ENTPD3: variants seen among roughly 807,000 people sequenced by gnomAD.
ENTPD3 encodes the protein ectonucleoside triphosphate diphosphohydrolase 3.
ENTPD3 carries 60 observed loss-of-function variants against 51.2 expected under a neutral mutation model. That is an observed-to-expected ratio of 1.17 (90% CI 0.95 to 1.45). ENTPD3 has a LOEUF of 1.45. Ranked by LOEUF, ENTPD3 falls within the 40% of genes most tolerant of loss-of-function variation. ENTPD3 has a pLI of 0.00. For synonymous variants in ENTPD3, 221 were observed against 238.4 expected (o/e 0.93, Z 0.67); for missense variants, 593 against 641.1 (o/e 0.93, Z 0.81).
intron 2 of ENTPD3, among the ~76,000 whole-genome samples, chr3:40,389,821 C>A (rs1473915816): frequency 6.6e-6 from 1 of 152,182 alleles, no homozygotes; most frequent in Non-Finnish European, 1.5e-5. Context: ...TAGACATGCC[C>A]TGTTATTCTT....
Position 40,427,682 on chromosome 3 carries a change from G to A in ENTPD3, c.*174G>A, listed in dbSNP as rs1559521112. The A allele has an allele frequency of 8.2e-6, 5 of 610,836 alleles. No individual in the cohort carries two copies. In the East Asian group the frequency reaches 1.4e-4, roughly 17 times the overall value. The allele number at this position is 610,836 out of a possible 1,614,324, so 37.8% of individuals were successfully genotyped here. ...CACAGCACCTCTTGAGGCATCCCTT[G>A]GCTATTCTGTGCATATTGTTCTTCA... On this transcript the variant is annotated 3_prime_UTR_variant, in exon 11 of 11. Transcript: ENST00000301825.
chr3:40,392,219 A>G, intron 3 of ENTPD3, 69 bp downstream of exon 3: 1 of 1,570,682 alleles, frequency 6.4e-7, no homozygotes, highest in Middle Eastern at 1.7e-4. Context: ...ATTATTCCAA[A>G]ACCATGAGTT....
At chr3:40,410,962 T>G (rs1955613808) in intron 4 of ENTPD3, among the ~76,000 whole-genome samples, 1 of 151,906 alleles carries the variant, frequency 6.6e-6, no homozygotes, top group African/African-American at 2.4e-5. Flanking sequence ...ATGGAGGCAA[T>G]GGGAACCATG....
intron 3 of ENTPD3, chr3:40,394,237 C>G (rs1351701799): frequency 6.7e-5 from 15 of 224,880 alleles, no homozygotes; most frequent in Non-Finnish European, 1.2e-4. Flanking sequence ...GCCTCAGCCT[C>G]CCAAGTAGCT....
Position 40,427,328 on chromosome 3 carries a change from G to C in ENTPD3, c.1410G>C (p.Gln470His), listed in dbSNP as rs1395946311. 3.1e-6 allele frequency: 5 copies of C among 1,614,196 alleles called. No homozygotes were observed. Among genetic ancestry groups the C allele is most frequent in the Non-Finnish European group, 4.2e-6 (5 of 1,180,038 alleles). Residue 470 changes from glutamine to histidine, a missense_variant, in exon 11 of 11, where the codon CAG becomes CAC. Transcript: ENST00000301825. Reference protein sequence around the residue: ...SLGYMLSLTNQIPAESPLIRL... With the variant: ...SLGYMLSLTNHIPAESPLIRL... ...GCTACATGCTCAGCCTGACCAACCA[G>C]ATCCCAGCTGAAAGCCCTCTGATCC...
chr3:40,389,879 T>C (rs1955015600), intron 2 of ENTPD3, among the ~76,000 whole-genome samples: 1 of 152,202 alleles, frequency 6.6e-6, no homozygotes, highest in Non-Finnish European at 1.5e-5. Context: ...GCATAGGTTA[T>C]AATGATCTAG....
At chr3:40,388,159 C>T (rs1559505422) in intron 2 of ENTPD3, 62 bp downstream of exon 2, 2 of 1,491,404 alleles carry the variant, frequency 1.3e-6, no homozygotes, top group South Asian at 1.1e-5. Flanking sequence ...ACCCCAGCTT[C>T]GGCCTACAGT....
At chr3:40,423,716 A>G (rs1330215070) in intron 9 of ENTPD3, 110 bp from the exon 10 acceptor site, 1 of 1,245,708 alleles carries the variant, frequency 8.0e-7, no homozygotes, top group South Asian at 1.5e-5. Flanking sequence ...AGTATTTTCT[A>G]TTATGAAATT....
At chr3:40,388,599 C>CACAG (rs1954993721) in intron 2 of ENTPD3, among the ~76,000 whole-genome samples, 1 of 148,194 alleles carries the variant, frequency 6.7e-6, no homozygotes, top group Non-Finnish European at 1.5e-5. Context: ...CACACACACA[C>CACAG]ACACACACAC....
chr3:40,393,066 C>T (rs1325316335), intron 3 of ENTPD3, among the ~76,000 whole-genome samples: 1 of 151,898 alleles, frequency 6.6e-6, no homozygotes, highest in African/African-American at 2.4e-5. Flanking sequence ...AGTCCATCCC[C>T]AAATGATCTT....
intron 3 of ENTPD3, among the ~76,000 whole-genome samples, chr3:40,400,346 G>T (rs1355022211): frequency 6.6e-6 from 1 of 151,664 alleles, no homozygotes; most frequent in Admixed American, 6.6e-5. Flanking sequence ...CTTTTATTTT[G>T]GTTGTTTATT....
At chr3:40,419,090 ATTTTC>A (rs1392085958) in intron 7 of ENTPD3, among the ~76,000 whole-genome samples, 1 of 152,054 alleles carries the variant, frequency 6.6e-6, no homozygotes, top group Non-Finnish European at 1.5e-5. Context: ...ATATTAACTT[ATTTTC>A]TTTACTATTT....
intron 6 of ENTPD3, 69 bp downstream of exon 6, chr3:40,414,909 G>T: frequency 6.6e-7 from 1 of 1,518,952 alleles, no homozygotes. Context: ...GATAGCCTAA[G>T]TAGAGGTACA....
chr3:40,414,636 G>A (rs1955702766), intron 5 of ENTPD3, 45 bp from the exon 6 acceptor site: 1 of 1,606,158 alleles, frequency 6.2e-7, no homozygotes, highest in Non-Finnish European at 8.5e-7. Flanking sequence ...TTTTAAGACT[G>A]TATTGTCTGG....
At chr3:40,388,198 G>GT (rs1954980671) in intron 2 of ENTPD3, 101 bp downstream of exon 2, 1 of 1,113,464 alleles carries the variant, frequency 9.0e-7, no homozygotes. Context: ...GCAAATGATT[G>GT]TTTAACTTTA....
intron 7 of ENTPD3, among the ~76,000 whole-genome samples, chr3:40,420,923 G>A (rs1364285633): frequency 7.9e-5 from 12 of 151,994 alleles, no homozygotes; most frequent in Non-Finnish European, 1.6e-4. Context: ...GGGAGGCTAA[G>A]GCAGGAGAAT....
intron 10 of ENTPD3, chr3:40,424,692 A>G (rs1955949867): frequency 1.4e-6 from 1 of 698,904 alleles, no homozygotes; most frequent in African/African-American, 1.8e-5. Flanking sequence ...CCTTGTTTTT[A>G]GGCAGGGCTA....
At position 40,423,923 on chromosome 3, in the gene ENTPD3, TCA is replaced by T. The variant is rs752226249; in HGVS notation, c.1316_1317del (p.Thr439ArgfsTer10). The T allele has an allele frequency of 1.7e-5, 27 of 1,614,036 alleles. No individual in the cohort carries two copies. The highest frequency in any genetic ancestry group is 1.6e-4 in the Middle Eastern group (1 of 6,084). On this transcript the variant is annotated frameshift_variant, in exon 10 of 11. Transcript: ENST00000301825. LOFTEE classifies it high-confidence loss of function. ...CACTTGTTTGTGAACGGTTACAAAT[TCA>T]CAGAGGAGACTTGGCCCCAAATACA... is the stretch of plus-strand genomic sequence containing the variant.
At position 40,425,624 on chromosome 3, in the gene ENTPD3, C is replaced by CTGT. The variant is rs532695376; in HGVS notation, c.1354-1647_1354-1645dup. ...AAATTTACATTAAAAAAGCCGGGTG[C>CTGT]TGTGGCTCATGCCTGTAATTCCAGC... On this transcript the variant is annotated intron_variant, in intron 10 of 10. Transcript: ENST00000301825. 2.9e-3 allele frequency among the ~76,000 whole-genome samples: 434 copies of CTGT among 151,910 alleles called. 1 individual carries two copies. Among genetic ancestry groups the CTGT allele is most frequent in the Middle Eastern group, 6.8e-3 (2 of 292 alleles).
Sources: gnomAD v4.1 joint callset for allele counts (sites outside exome capture counted in the v4.1 genomes callset) on GRCh38, gnomAD v4.1.1 for gene constraint, MANE v1.5 for transcripts, NCBI Gene and HGNC (gene_info 2026-07-23, HGNC 2026-07-21) for gene names.